Variants in FANCM observed in about 807,000 individuals in gnomAD.
FANCM encodes Fanconi anemia group M protein.
In FANCM, 140 loss-of-function variants were observed where a neutral mutation model predicts 199.5. The observed-to-expected ratio is 0.70, with a 90% CI of 0.61 to 0.81. The LOEUF (loss-of-function observed/expected upper bound fraction) is 0.81. Among genes scored for constraint, FANCM ranks in the 30% least tolerant of loss-of-function variants. FANCM has a pLI of 0.00. For synonymous variants in FANCM, 840 were observed against 836.8 expected, an observed-to-expected ratio of 1.00 and a Z score of -0.07; for missense variants, 2,410 against 2,421.4, an observed-to-expected ratio of 1.00 and a Z score of 0.10.
chr14:45,158,790 T>C (rs1185574747), intron 8 of FANCM, among the ~76,000 whole-genome samples: 2 of 152,140 alleles, frequency 1.3e-5, no homozygotes, highest in East Asian at 3.9e-4. Flanking sequence ...TAATAGAGAA[T>C]ATAGTTTAAA....
chr14:45,143,341 A>G (rs1208703176), intron 3 of FANCM, among the ~76,000 whole-genome samples: 1 of 151,900 alleles, frequency 6.6e-6, no homozygotes, highest in African/African-American at 2.4e-5. Flanking sequence ...AAATTTTTGT[A>G]TCTTTTGTAG....
rs5808292 is a variant in FANCM at position 45,154,398 on chromosome 14, TA to T, written c.1184-281del. 0.11 allele frequency among the ~76,000 whole-genome samples: 13,511 copies of T among 125,910 alleles called. 722 individuals are homozygous for T. Among genetic ancestry groups the T allele is most frequent in the South Asian group, 0.21 (865 of 4,044 alleles). The allele number at this position is 125,910 out of a possible 152,430, so 82.6% of individuals were successfully genotyped here. On this transcript the variant is annotated intron_variant, in intron 6 of 22. Coordinates refer to ENST00000267430, the MANE Select transcript of FANCM (RefSeq NM_020937.4). ...CCTGGGCAACAGAGTGAGACTGTCT[TA>T]AAAAAAAAAAAAAAAAAGACATATT... is the stretch of plus-strand genomic sequence containing the variant.
At chr14:45,193,639 AG>A (rs1303727766) in intron 20 of FANCM, among the ~76,000 whole-genome samples, 1 of 152,136 alleles carries the variant, frequency 6.6e-6, no homozygotes, top group East Asian at 1.9e-4. Flanking sequence ...CATATATGTG[AG>A]GGTTTATTTC....
rs368185388 is a variant in FANCM at position 45,153,842 on chromosome 14, A to G, written c.1051-78A>G. 5.1e-5 allele frequency: 55 copies of G among 1,077,126 alleles called. 1 individual carries two copies. The Middle Eastern group carries it at 6.0e-4, about 12-fold the overall frequency. The allele number at this position is 1,077,126 out of a possible 1,614,324, so 66.7% of individuals were successfully genotyped here. On this transcript the variant is annotated intron_variant, in intron 5 of 22. Transcript: ENST00000267430. The stretch of plus-strand genomic sequence containing the variant: ...TTATATTATAAATGTTACACTGACT[A>G]TGGCCTGACAACTTGGGCATGGAGC...
intron 3 of FANCM, among the ~76,000 whole-genome samples, chr14:45,142,824 G>C (rs1050920072): frequency 6.6e-6 from 1 of 151,950 alleles, no homozygotes; most frequent in East Asian, 1.9e-4. Flanking sequence ...TACTTGTGTT[G>C]TAATCTTGAC....
chr14:45,142,048 C>A (rs1373708045), intron 3 of FANCM, among the ~76,000 whole-genome samples: 1 of 151,984 alleles, frequency 6.6e-6, no homozygotes, highest in Non-Finnish European at 1.5e-5. Context: ...CTTTAGATTG[C>A]CAGAAAAATT....
intron 5 of FANCM, among the ~76,000 whole-genome samples, chr14:45,152,791 A>G (rs528484880): frequency 1.3e-5 from 2 of 152,346 alleles, no homozygotes; most frequent in East Asian, 3.9e-4. Flanking sequence ...TTGTGACTAC[A>G]TGAGAGTAAC....
intron 5 of FANCM, among the ~76,000 whole-genome samples, chr14:45,151,903 G>T (rs1886843862): frequency 8.2e-6 from 1 of 121,558 alleles, no homozygotes; most frequent in South Asian, 2.7e-4. Context: ...GACAGAGTTA[G>T]ACCTGTCTTA....
At chr14:45,194,337 C>G (rs975776066) in intron 20 of FANCM, among the ~76,000 whole-genome samples, 1 of 151,270 alleles carries the variant, frequency 6.6e-6, no homozygotes, top group Non-Finnish European at 1.5e-5. Context: ...CAAACAAATT[C>G]CAGTTTTATT....
At chr14:45,160,002 G>GTTTTTT (rs200603043) in intron 9 of FANCM, among the ~76,000 whole-genome samples, 1 of 122,006 alleles carries the variant, frequency 8.2e-6, no homozygotes, top group African/African-American at 3.0e-5. Flanking sequence ...TTTTTTTTTT[G>GTTTTTT]TTTTTTTTTT....
intron 10 of FANCM, 55 bp from the exon 11 acceptor site, chr14:45,166,895 T>C: frequency 9.9e-7 from 1 of 1,012,606 alleles, no homozygotes; most frequent in Non-Finnish European, 1.6e-6. Context: ...TTGTTATGGA[T>C]AAATTGTTAT....
chr14:45,146,240 GAAAA>G (rs143430263), intron 3 of FANCM, among the ~76,000 whole-genome samples: 5 of 93,176 alleles, frequency 5.4e-5, no homozygotes, highest in Non-Finnish European at 9.9e-5. Context: ...GACTCCGTCT[GAAAA>G]AAAAAAAAAA....
At chr14:45,177,436 G>T (rs1232903981) in intron 14 of FANCM, among the ~76,000 whole-genome samples, 1 of 152,058 alleles carries the variant, frequency 6.6e-6, no homozygotes, top group East Asian at 1.9e-4. Context: ...TTGTTGCCCA[G>T]GCTGGAGTGC....
chr14:45,168,071 A>G (rs568151114), intron 11 of FANCM, among the ~76,000 whole-genome samples: 2 of 152,118 alleles, frequency 1.3e-5, no homozygotes, highest in Non-Finnish European at 2.9e-5. Flanking sequence ...GTTTACCTTT[A>G]TAACAGTTCT....
At chr14:45,196,728 G>A (rs1370267321) in intron 21 of FANCM, among the ~76,000 whole-genome samples, 181 bp downstream of exon 21, 1 of 152,140 alleles carries the variant, frequency 6.6e-6, no homozygotes. Flanking sequence ...TTTAAATGCA[G>A]CTTATGAGAA....
Position 45,136,395 on chromosome 14 carries a change from G to T in FANCM, c.364G>T (p.Ala122Ser), listed in dbSNP as rs1885507119. The change falls in exon 1 of 23, where the codon GCC (alanine) becomes TCC (serine). Residue 122 changes from alanine to serine, a missense_variant. Ala to Ser is a moderately conservative substitution (Grantham distance 99). Transcript: ENST00000267430. ...CGGACTGGGAAAGACCTTTATTGCC[G>T]CCGTGGTCATGTACAATTTCTACCG... is the stretch of plus-strand genomic sequence containing the variant. ...PTGLGKTFIA[A>S]VVMYNFYRWF... 4 of 1,613,998 alleles carry T rather than the reference G, an allele frequency of 2.5e-6. No homozygotes were observed. The highest frequency in any genetic ancestry group is 2.2e-5 in the East Asian group (1 of 44,890).
At chr14:45,141,143 C>G (rs1885894500) in intron 3 of FANCM, among the ~76,000 whole-genome samples, 1 of 151,710 alleles carries the variant, frequency 6.6e-6, no homozygotes, top group Non-Finnish European at 1.5e-5. Context: ...AAAAAATTAA[C>G]CGGGCGTGGT....
At chr14:45,192,413 AGGT>A (rs1196225954) in intron 20 of FANCM, among the ~76,000 whole-genome samples, 2 of 152,208 alleles carry the variant, frequency 1.3e-5, no homozygotes, top group Non-Finnish European at 2.9e-5. Flanking sequence ...AGGCCGAGGC[AGGT>A]GGATCACTTG....
At position 45,164,490 on chromosome 14, in the gene FANCM, A is replaced by G. The variant is rs765623831; in HGVS notation, c.1713A>G (p.Val571=). ...CCCAGAAGAGCCCAATTCGTCTTGT[A>G]CAACGAATGGGTAGAACTGGCCGTA... ...FDSQKSPIRL[V]QRMGRTGRKR... The change falls in exon 10 of 23, where the codon GTA becomes GTG. Residue 571 remains valine (V), a synonymous_variant. Transcript: ENST00000267430. The G allele has an allele frequency of 6.2e-7, 1 of 1,613,748 alleles. No homozygotes were observed. Among genetic ancestry groups the G allele is most frequent in the Non-Finnish European group, 8.5e-7 (1 of 1,180,008 alleles).
Sources: allele counts gnomAD v4.1 joint callset (sites outside exome capture counted in the v4.1 genomes callset), GRCh38; gene constraint gnomAD v4.1.1; transcripts MANE v1.5; gene names NCBI Gene and HGNC (gene_info 2026-07-23, HGNC 2026-07-21).